Variants in NXPE2 observed in about 807,000 individuals in gnomAD.
NXPE2 encodes the protein NXPE family member 2.
Under a neutral mutation model 34.4 loss-of-function variants are expected in NXPE2, and 34 were observed. The observed-to-expected ratio is 0.99, with a 90% confidence interval of 0.75 to 1.31. The LOEUF is 1.31. NXPE2 is among the 40% of genes most tolerant of loss of function. The probability of loss-of-function intolerance (pLI) is 0.00; values close to 1 mark genes in which losing one functional copy is unlikely to be tolerated. For missense variants in NXPE2, 649 were observed against 672.5 expected, an observed-to-expected ratio of 0.97 and a Z score of 0.39; for synonymous variants, 235 against 231.3, an observed-to-expected ratio of 1.02 and a Z score of -0.15.
the NXPE2 span, among the ~76,000 whole-genome samples, chr11:114,637,393 C>G: frequency 1.3e-5 from 2 of 152,054 alleles, no homozygotes; most frequent in East Asian, 1.9e-4. Context: ...ATACAGCACA[C>G]TAATGGGTCT....
At chr11:114,772,790 A>C in the NXPE2 span, among the ~76,000 whole-genome samples, 63 of 152,132 alleles carry the variant, frequency 4.1e-4, no homozygotes, top group African/African-American at 1.4e-3. Context: ...GGAGACAGTC[A>C]TCAGACAGAA....
At chr11:114,537,968 C>T in the NXPE2 span, among the ~76,000 whole-genome samples, 2 of 152,166 alleles carry the variant, frequency 1.3e-5, no homozygotes, top group South Asian at 2.1e-4. Flanking sequence ...CCCACATTGC[C>T]AAGTCAATCC....
chr11:114,767,328 A>C, the NXPE2 span, among the ~76,000 whole-genome samples: 1 of 152,188 alleles, frequency 6.6e-6, no homozygotes, highest in Non-Finnish European at 1.5e-5. Flanking sequence ...TGCAAAACTG[A>C]CAGTGGAGCT....
At chr11:114,466,963 T>C in the NXPE2 span, among the ~76,000 whole-genome samples, 1 of 152,158 alleles carries the variant, frequency 6.6e-6, no homozygotes, top group African/African-American at 2.4e-5. Context: ...AGTCCACAAA[T>C]AACACATCTA....
At chr11:114,594,575 C>T in the NXPE2 span, 2 of 816,232 alleles carry the variant, frequency 2.5e-6, no homozygotes, top group South Asian at 1.5e-5. Context: ...CTATAATCTA[C>T]AAGTCTTGTA....
chr11:114,577,813 A>G, the NXPE2 span, among the ~76,000 whole-genome samples: 1 of 152,154 alleles, frequency 6.6e-6, no homozygotes, highest in South Asian at 2.1e-4. Context: ...CACTCTTTAA[A>G]TTCCCTCAAG....
At chr11:114,797,390 T>G in the NXPE2 span, among the ~76,000 whole-genome samples, 5 of 152,168 alleles carry the variant, frequency 3.3e-5, no homozygotes, top group African/African-American at 1.2e-4. Flanking sequence ...TTCTTCTATT[T>G]TCTCTCCTTC....
chr11:114,790,967 T>G, the NXPE2 span, among the ~76,000 whole-genome samples: 1 of 151,874 alleles, frequency 6.6e-6, no homozygotes, highest in Non-Finnish European at 1.5e-5. Context: ...GTGTTTTTTT[T>G]TTTCCTCTTA....
At chr11:114,490,161 A>G in the NXPE2 span, among the ~76,000 whole-genome samples, 1 of 152,360 alleles carries the variant, frequency 6.6e-6, no homozygotes, top group Non-Finnish European at 1.5e-5. Context: ...GACGTGAAGG[A>G]CCTCTTCAAG....
chr11:114,709,914 AG>A (rs1423758188), downstream of NXPE2, among the ~76,000 whole-genome samples: 2 of 151,920 alleles, frequency 1.3e-5, no homozygotes, highest in Non-Finnish European at 2.9e-5. Flanking sequence ...AAAACAAAAA[AG>A]AAAAAAAAAA....
downstream of NXPE2, among the ~76,000 whole-genome samples, chr11:114,711,215 C>T (rs1859605922): frequency 6.6e-6 from 1 of 151,980 alleles, no homozygotes; most frequent in Non-Finnish European, 1.5e-5. Context: ...TACTATTCAA[C>T]ATAGTACTGA....
chr11:114,722,162 A>C, the NXPE2 span, among the ~76,000 whole-genome samples: 1 of 152,170 alleles, frequency 6.6e-6, no homozygotes, highest in East Asian at 1.9e-4. Flanking sequence ...CTCATCTCGA[A>C]TTGTAATCCC....
At chr11:114,573,846 C>T in the NXPE2 span, among the ~76,000 whole-genome samples, 7 of 151,848 alleles carry the variant, frequency 4.6e-5, no homozygotes, top group Non-Finnish European at 1.0e-4. Context: ...TAAACTATAC[C>T]CTAAAACAAA....
At chr11:114,615,424 A>T in the NXPE2 span, among the ~76,000 whole-genome samples, 1 of 151,986 alleles carries the variant, frequency 6.6e-6, no homozygotes, top group Non-Finnish European at 1.5e-5. Flanking sequence ...ATGGAGAATA[A>T]GTAATGCCTC....
chr11:114,583,112 C>T, the NXPE2 span: 1 of 1,347,262 alleles, frequency 7.4e-7, no homozygotes, highest in Non-Finnish European at 1.0e-6. Flanking sequence ...ATGAAATTAA[C>T]ATGTTCCTAG....
At chr11:114,549,193 A>G in the NXPE2 span, among the ~76,000 whole-genome samples, 1 of 151,988 alleles carries the variant, frequency 6.6e-6, no homozygotes, top group Non-Finnish European at 1.5e-5. Context: ...TTTAAAGATC[A>G]GTCAATCCCA....
intron 2 of NXPE2, among the ~76,000 whole-genome samples, chr11:114,694,686 C>G (rs766944638): frequency 5.3e-5 from 8 of 152,062 alleles, no homozygotes; most frequent in African/African-American, 1.4e-4. Context: ...CTTTCAAGCT[C>G]TCTTATTTTT....
the NXPE2 span, among the ~76,000 whole-genome samples, chr11:114,553,152 C>T: frequency 1.3e-5 from 2 of 152,130 alleles, no homozygotes; most frequent in African/African-American, 4.8e-5. Flanking sequence ...GTTCTTTCCT[C>T]AATCGTTTTC....
At chr11:114,736,913 C>A in the NXPE2 span, among the ~76,000 whole-genome samples, 1 of 152,150 alleles carries the variant, frequency 6.6e-6, no homozygotes, top group Admixed American at 6.5e-5. Flanking sequence ...CGCAACAGTG[C>A]CTGTTTGTGG....
Sources: allele counts gnomAD v4.1 joint callset (sites outside exome capture counted in the v4.1 genomes callset), GRCh38; gene constraint gnomAD v4.1.1; transcripts MANE v1.5; gene names NCBI Gene and HGNC (gene_info 2026-07-23, HGNC 2026-07-21).